Variants in TTBK2 observed in about 807,000 individuals in gnomAD.
TTBK2 encodes the protein tau tubulin kinase 2.
TTBK2 carries 28 observed loss-of-function variants against 110.8 expected under a neutral mutation model. The ratio of observed to expected loss-of-function variants is 0.25; its 90% CI spans 0.19 to 0.35. TTBK2 has a LOEUF of 0.35. TTBK2 is among the 10% of genes least tolerant of loss of function. The probability of loss-of-function intolerance (pLI) is 1.00; values close to 1 mark genes in which losing one functional copy is unlikely to be tolerated. For synonymous variants in TTBK2, 532 were observed against 527.3 expected (o/e 1.01, Z -0.12); for missense variants, 1,369 against 1,500.3 (o/e 0.91, Z 1.45).
intron 2 of TTBK2, among the ~76,000 whole-genome samples, chr15:42,873,959 T>C (rs991683665): frequency 1.5e-4 from 23 of 152,222 alleles, no homozygotes; most frequent in African/African-American, 5.5e-4. Context: ...GATTACTATA[T>C]CTAGGTTAAT....
intron 13 of TTBK2, among the ~76,000 whole-genome samples, chr15:42,772,821 C>T (rs1889736327): frequency 6.6e-6 from 1 of 152,108 alleles, no homozygotes; most frequent in Non-Finnish European, 1.5e-5. Context: ...GAGCTCACAC[C>T]TGTAATCCCA....
chr15:42,812,361 TA>T, intron 7 of TTBK2, among the ~76,000 whole-genome samples: 1 of 152,276 alleles, frequency 6.6e-6, no homozygotes, highest in South Asian at 2.1e-4. Context: ...AAATGAGTTT[TA>T]AAAAAATTGT....
chr15:42,889,678 TC>T (rs1477409712), intron 1 of TTBK2, among the ~76,000 whole-genome samples: 1 of 152,232 alleles, frequency 6.6e-6, no homozygotes, highest in Non-Finnish European at 1.5e-5. Flanking sequence ...CCTTGTATCT[TC>T]CGTTTAGTTT....
chr15:42,749,845 G>T (rs1038693119), intron 14 of TTBK2, among the ~76,000 whole-genome samples: 11 of 152,142 alleles, frequency 7.2e-5, no homozygotes, highest in African/African-American at 2.4e-4. Context: ...AAAAGTACAG[G>T]CTTAGAAAAG....
intron 1 of TTBK2, among the ~76,000 whole-genome samples, chr15:42,892,298 G>A (rs1324211657): frequency 6.6e-6 from 1 of 152,144 alleles, no homozygotes; most frequent in East Asian, 1.9e-4. Flanking sequence ...ACTAAGCCAT[G>A]CTCATTCATT....
intron 10 of TTBK2, among the ~76,000 whole-genome samples, chr15:42,785,557 G>C (rs1890374450): frequency 6.6e-6 from 1 of 152,098 alleles, no homozygotes; most frequent in Non-Finnish European, 1.5e-5. Context: ...AACTGACCTG[G>C]GGGAAAAAAT....
At chr15:42,844,922 A>G (rs1893385220) in intron 3 of TTBK2, among the ~76,000 whole-genome samples, 1 of 152,242 alleles carries the variant, frequency 6.6e-6, no homozygotes, top group Non-Finnish European at 1.5e-5. Context: ...ACTAGGCACT[A>G]GAAATACAAG....
intron 3 of TTBK2, among the ~76,000 whole-genome samples, chr15:42,849,936 T>G (rs1893628238): frequency 1.3e-5 from 2 of 152,166 alleles, no homozygotes; most frequent in Admixed American, 1.3e-4. Context: ...TTTTCCAGTC[T>G]TCCAGCAGAA....
intron 1 of TTBK2, among the ~76,000 whole-genome samples, chr15:42,898,437 C>T (rs560349995): frequency 2.6e-5 from 4 of 151,134 alleles, no homozygotes; most frequent in South Asian, 4.2e-4. Flanking sequence ...CCCAGCTACT[C>T]GGGAGGCAGA....
chr15:42,864,789 G>T (rs1456975413), intron 3 of TTBK2, among the ~76,000 whole-genome samples: 1 of 152,070 alleles, frequency 6.6e-6, no homozygotes, highest in Admixed American at 6.6e-5. Flanking sequence ...ACCCAGATGT[G>T]AAGAAGGAAA....
At chr15:42,837,002 C>T (rs903653005) in intron 4 of TTBK2, among the ~76,000 whole-genome samples, 3 of 152,090 alleles carry the variant, frequency 2.0e-5, no homozygotes, top group African/African-American at 7.2e-5. Flanking sequence ...TATAAAATGT[C>T]ACACAAAAAG....
chr15:42,853,471 G>A lies in TTBK2; in HGVS notation c.218-13038C>T, dbSNP rs186561569. Among the ~76,000 whole-genome samples the A allele has an allele frequency of 3.9e-5, 6 of 152,104 alleles. No individual in the cohort carries two copies. In the East Asian group the frequency reaches 1.2e-3, roughly 29 times the overall value. The stretch of plus-strand genomic sequence containing the variant: ...TGGACCTCCACTCACTTTAGATGAT[G>A]GAAAGGAGAAAAATTTAAAATAATT... On this transcript the variant is annotated intron_variant, in intron 3 of 14. Transcript: ENST00000267890.
At chr15:42,870,319 G>A (rs1596005196) in intron 3 of TTBK2, among the ~76,000 whole-genome samples, 1 of 152,208 alleles carries the variant, frequency 6.6e-6, no homozygotes, top group South Asian at 2.1e-4. Context: ...CAGAAAATAT[G>A]GGGTGAAATG....
intron 14 of TTBK2, among the ~76,000 whole-genome samples, chr15:42,751,584 T>TAAA (rs2061866645): frequency 6.6e-6 from 1 of 152,044 alleles, no homozygotes; most frequent in Admixed American, 6.6e-5. Flanking sequence ...TTTAAAAAAA[T>TAAA]AAAATAAAAT....
At chr15:42,845,576 G>C (rs998057942) in intron 3 of TTBK2, among the ~76,000 whole-genome samples, 10 of 145,934 alleles carry the variant, frequency 6.9e-5, no homozygotes, top group African/African-American at 2.6e-4. Flanking sequence ...GGGGGTTGCA[G>C]TGGGCCGAGA....
chr15:42,872,805 C>G (rs1264277251), intron 2 of TTBK2, 47 bp from the exon 3 acceptor site: 1 of 1,607,022 alleles, frequency 6.2e-7, no homozygotes, highest in Non-Finnish European at 8.5e-7. Context: ...CTAGAAGATT[C>G]TAACTTGAAA....
chr15:42,875,949 G>A (rs1894805498), intron 2 of TTBK2, among the ~76,000 whole-genome samples: 1 of 147,318 alleles, frequency 6.8e-6, no homozygotes, highest in Non-Finnish European at 1.5e-5. Flanking sequence ...ATCCTGAGAA[G>A]CCACAGCCAC....
intron 13 of TTBK2, among the ~76,000 whole-genome samples, chr15:42,758,422 G>A (rs1452093076): frequency 2.0e-5 from 3 of 152,086 alleles, no homozygotes; most frequent in Non-Finnish European, 2.9e-5. Context: ...TTGGGAGGCC[G>A]AGGCAGGCAG....
At position 42,804,008 on chromosome 15, in the gene TTBK2, CAAAAAAA is replaced by C. The variant is rs781131720; in HGVS notation, c.822+6599_822+6605del. On this transcript the variant is annotated intron_variant, in intron 9 of 14. Transcript: ENST00000267890. ...TACCATTGTACTCCAGCGAGGAGTG[CAAAAAAA>C]AAAAAAAAAAAAAAAAGAGAGAGAT... is the stretch of plus-strand genomic sequence containing the variant. Among the ~76,000 whole-genome samples, 163 of 51,054 alleles carry C rather than the reference CAAAAAAA, an allele frequency of 3.2e-3. 2 individuals are homozygous for C. Among genetic ancestry groups the C allele is most frequent in the African/African-American group, 8.0e-3 (155 of 19,354 alleles). The allele number at this position is 51,054 out of a possible 152,430, so 33.5% of individuals were successfully genotyped here. A position where few individuals can be genotyped will look rare whatever the true frequency, so the allele number is the denominator to read the frequency against.
Sources: allele counts gnomAD v4.1 joint callset (sites outside exome capture counted in the v4.1 genomes callset), GRCh38; gene constraint gnomAD v4.1.1; transcripts MANE v1.5; gene names NCBI Gene and HGNC (gene_info 2026-07-23, HGNC 2026-07-21).